S100Z: variants seen among roughly 807,000 people sequenced by gnomAD.
The protein encoded by S100Z is S100 calcium binding protein Z.
Under a neutral mutation model 8.5 loss-of-function variants are expected in S100Z, and 11 were observed. The ratio of observed to expected loss-of-function variants is 1.30; its 90% CI spans 0.82 to 2.15. S100Z has a LOEUF of 2.15. Ranked by LOEUF, S100Z falls within the 30% of genes most tolerant of loss-of-function variation. S100Z has a pLI of 0.00. For missense variants in S100Z, 126 were observed against 117.9 expected (o/e 1.07, Z -0.32); for synonymous variants, 34 against 43.8 (o/e 0.78, Z 0.89).
rs776258028 is a variant in S100Z at position 76,877,687 on chromosome 5, C to A, written c.155C>A (p.Thr52Asn). 8.7e-6 allele frequency: 14 copies of A among 1,602,906 alleles called. No individual in the cohort carries two copies. Among genetic ancestry groups the A allele is most frequent in the Non-Finnish European group, 1.2e-5 (14 of 1,172,142 alleles). ...TTCTCATTTTAGTGCCAAAAGGAAA[C>A]CCAGTTGGTTGATAAGATAGTGCAG... ...LTEFLSCQKE[T>N]QLVDKIVQDL... Residue 52 changes from threonine to asparagine, a missense_variant, in exon 4 of 5, where the codon ACC becomes AAC. Transcript: ENST00000317593.
chr5:76,912,038 T>C (rs1236769912), intron 4 of S100Z, among the ~76,000 whole-genome samples: 2 of 152,096 alleles, frequency 1.3e-5, no homozygotes, highest in African/African-American at 4.8e-5. Context: ...AGTAAGGAAA[T>C]TGATGTAGTA....
chr5:76,860,275 T>C (rs1305679200), intron 1 of S100Z, among the ~76,000 whole-genome samples: 1 of 152,150 alleles, frequency 6.6e-6, no homozygotes, highest in East Asian at 1.9e-4. Flanking sequence ...CTGTAGCCAG[T>C]ATAGATGCTA....
chr5:76,910,609 C>T (rs1250847355), intron 4 of S100Z, among the ~76,000 whole-genome samples: 1 of 152,196 alleles, frequency 6.6e-6, no homozygotes, highest in East Asian at 1.9e-4. Context: ...GAGGCAATCA[C>T]TGGAAGGTGC....
chr5:76,870,687 G>T (rs1742977765), intron 2 of S100Z, among the ~76,000 whole-genome samples: 1 of 152,132 alleles, frequency 6.6e-6, no homozygotes, highest in Non-Finnish European at 1.5e-5. Flanking sequence ...GGTCCAGCAG[G>T]CTGTTGGATA....
In S100Z at chr5:76,863,632, G is replaced by A. The variant is rs113365958; in HGVS notation, c.-175-6534G>A. ...CGGCTCACTGCAAGCTCCGCCTCCC[G>A]GGTTCACGCCATTCTCCTGCCTCAG... On this transcript the variant is annotated intron_variant, in intron 1 of 4. Transcript: ENST00000317593. 6.2e-3 allele frequency among the ~76,000 whole-genome samples: 938 copies of A among 151,972 alleles called. 14 individuals are homozygous for A. The highest frequency in any genetic ancestry group is 0.041 in the Middle Eastern group (12 of 292).
chr5:76,938,789 T>C, the S100Z span, among the ~76,000 whole-genome samples: 35 of 152,322 alleles, frequency 2.3e-4, no homozygotes, highest in Admixed American at 5.2e-4. Flanking sequence ...TTTTTTCCCA[T>C]GTAGATATTA....
chr5:76,915,886 C>T (rs1264420342), intron 4 of S100Z, among the ~76,000 whole-genome samples: 2 of 152,026 alleles, frequency 1.3e-5, no homozygotes, highest in African/African-American at 2.4e-5. Context: ...GATAAGTGGA[C>T]TTCAGAGCAA....
rs200170019 is a variant in S100Z at position 76,859,904 on chromosome 5, T to C, written c.-176+9749T>C. Among the ~76,000 whole-genome samples the C allele has an allele frequency of 3.9e-5, 6 of 152,158 alleles. No homozygotes were observed. In the East Asian group the frequency reaches 1.2e-3, roughly 29 times the overall value. On this transcript the variant is annotated intron_variant, in intron 1 of 4. Coordinates refer to ENST00000317593, the MANE Select transcript of S100Z (RefSeq NM_130772.4). ...CTGCAACTCTGGGACTTTGAGTAAA[T>C]TGGGTTTGTAACCTAACCCAAAACT...
rs1203043537 is a variant in S100Z at position 76,921,457 on chromosome 5, C to A, written c.*743C>A. 1 of 152,146 alleles carries A rather than the reference C, an allele frequency of 6.6e-6. No homozygotes were observed. The allele number at this position is 152,146 out of a possible 1,614,324, so 9.4% of individuals were successfully genotyped here. ...GTCCCAGAAGGTAACAGAGATAGAA[C>A]TAGGCACGATTTTCTATTCTTCTTT... On this transcript the variant is annotated 3_prime_UTR_variant, in exon 5 of 5. Transcript: ENST00000317593.
intron 1 of S100Z, among the ~76,000 whole-genome samples, chr5:76,857,481 C>A (rs1750917341): frequency 6.6e-6 from 1 of 151,640 alleles, no homozygotes; most frequent in Admixed American, 6.6e-5. Flanking sequence ...TTTGCCCCCA[C>A]CTCCCGTCCT....
intron 4 of S100Z, among the ~76,000 whole-genome samples, chr5:76,882,189 G>C (rs1743424011): frequency 6.6e-6 from 1 of 152,180 alleles, no homozygotes; most frequent in African/African-American, 2.4e-5. Context: ...GAGAACTATA[G>C]AGAGTGAGTT....
chr5:76,939,938 T>A, the S100Z span, among the ~76,000 whole-genome samples: 3 of 151,820 alleles, frequency 2.0e-5, no homozygotes, highest in Non-Finnish European at 4.4e-5. Context: ...GGCGGGCGGA[T>A]CACGAGGTCA....
chr5:76,946,830 C>T, the S100Z span, among the ~76,000 whole-genome samples: 3 of 151,980 alleles, frequency 2.0e-5, no homozygotes, highest in African/African-American at 4.8e-5. Context: ...AGAAAATTTA[C>T]AATCAAAGAC....
intron 4 of S100Z, among the ~76,000 whole-genome samples, chr5:76,913,024 G>T (rs1029015103): frequency 6.6e-6 from 1 of 152,002 alleles, no homozygotes; most frequent in African/African-American, 2.4e-5. Context: ...AGAGATGGAA[G>T]TAGTAAAGAA....
In S100Z at chr5:76,892,451, G is replaced by T. The variant is rs531087362; in HGVS notation, c.*2+14617G>T. 2.0e-4 allele frequency among the ~76,000 whole-genome samples: 31 copies of T among 152,264 alleles called. 1 individual carries two copies. The South Asian group carries it at 6.2e-3, about 31-fold the overall frequency. ...ACTCATTAAACAATGTGTTCTCAAAGAACATTTATTATGATGGTGTAAAAC... is the reference window on the plus strand; with the variant it reads ...ACTCATTAAACAATGTGTTCTCAAATAACATTTATTATGATGGTGTAAAAC... On this transcript the variant is annotated intron_variant, in intron 4 of 4. Coordinates refer to ENST00000317593, the MANE Select transcript of S100Z (RefSeq NM_130772.4).
chr5:76,896,781 G>C (rs1005806716), intron 4 of S100Z, among the ~76,000 whole-genome samples: 1 of 152,136 alleles, frequency 6.6e-6, no homozygotes, highest in African/African-American at 2.4e-5. Context: ...GCATTTCTCT[G>C]ATCAGTGATG....
intron 4 of S100Z, among the ~76,000 whole-genome samples, chr5:76,908,262 C>G (rs1203833055): frequency 2.0e-5 from 3 of 152,312 alleles, no homozygotes; most frequent in South Asian, 2.1e-4. Context: ...GGAGAGGAAG[C>G]CATTCAGCTT....
At chr5:76,873,260 A>C (rs1469504433) in intron 2 of S100Z, among the ~76,000 whole-genome samples, 1 of 152,146 alleles carries the variant, frequency 6.6e-6, no homozygotes, top group Non-Finnish European at 1.5e-5. Context: ...CATACTCCTA[A>C]GTATTCAAAA....
At chr5:76,891,054 G>T (rs1743839954) in intron 4 of S100Z, among the ~76,000 whole-genome samples, 1 of 152,104 alleles carries the variant, frequency 6.6e-6, no homozygotes, top group South Asian at 2.1e-4. Context: ...TAGAGATGGG[G>T]CTTTACCATG....
Sources: allele counts gnomAD v4.1 joint callset (sites outside exome capture counted in the v4.1 genomes callset), GRCh38; gene constraint gnomAD v4.1.1; transcripts MANE v1.5; gene names NCBI Gene and HGNC (gene_info 2026-07-23, HGNC 2026-07-21).